Variants in SDC2 observed in about 807,000 individuals in gnomAD.
SDC2 encodes the protein syndecan 2, also known as syndecan-2.
Under a neutral mutation model 22.2 loss-of-function variants are expected in SDC2, and 13 were observed. That is an observed-to-expected ratio of 0.59 (90% confidence interval 0.38 to 0.93). The LOEUF is 0.93. Ranked by LOEUF, SDC2 falls within the 40% of genes least tolerant of loss-of-function variation. The probability of loss-of-function intolerance (pLI) is 0.00; values close to 1 mark genes in which losing one functional copy is unlikely to be tolerated. For synonymous variants in SDC2, 94 were observed against 92.8 expected (o/e 1.01, Z -0.07); for missense variants, 235 against 246.8 (o/e 0.95, Z 0.32).
intron 1 of SDC2, among the ~76,000 whole-genome samples, chr8:96,578,850 G>A (rs927703690): frequency 1.3e-5 from 2 of 152,194 alleles, no homozygotes. Flanking sequence ...AATTTGAGGG[G>A]ATGATGGGGT....
chr8:96,602,125 G>T (rs1814998948), intron 2 of SDC2, among the ~76,000 whole-genome samples: 1 of 151,620 alleles, frequency 6.6e-6, no homozygotes, highest in South Asian at 2.1e-4. Flanking sequence ...GTCAAGCAGG[G>T]AGAAAAGGAA....
intron 1 of SDC2, chr8:96,586,312 A>C (rs1814685938): frequency 6.6e-6 from 1 of 152,250 alleles, no homozygotes; most frequent in Non-Finnish European, 1.5e-5. Flanking sequence ...CAAATGGCGT[A>C]AAGCTTGGAT....
At position 96,593,507 on chromosome 8, in the gene SDC2, A is replaced by G. The variant is rs141268636; in HGVS notation, c.88A>G (p.Met30Val). 4.3e-6 allele frequency: 7 copies of G among 1,613,694 alleles called. No individual in the cohort carries two copies. Among genetic ancestry groups the G allele is most frequent in the Admixed American group, 1.7e-5 (1 of 60,006 alleles). Residue 30 changes from methionine to valine, a missense_variant, in exon 2 of 5, where the codon ATG (methionine) becomes GTG (valine). By Grantham distance (21) the Met-to-Val change is conservative. Transcript: ENST00000302190. ...SRAELTSDKD[M>V]YLDNSSIEEA... The stretch of plus-strand genomic sequence containing the variant: ...AGCAGAGCTGACATCTGATAAAGAC[A>G]TGTACCTTGACAACAGCTCCATTGA...
At chr8:96,532,546 G>A (rs1322452060) in intron 1 of SDC2, among the ~76,000 whole-genome samples, 1 of 150,354 alleles carries the variant, frequency 6.7e-6, no homozygotes. Flanking sequence ...TTGCAGAAGT[G>A]TTGTGGAACA....
chr8:96,513,869 G>C (rs575308248), intron 1 of SDC2, among the ~76,000 whole-genome samples: 1 of 152,286 alleles, frequency 6.6e-6, no homozygotes, highest in East Asian at 1.9e-4. Flanking sequence ...GTGTTTGTTT[G>C]GATGGCTGTT....
chr8:96,576,662 G>A (rs368446490), intron 1 of SDC2, among the ~76,000 whole-genome samples: 89 of 149,732 alleles, frequency 5.9e-4, no homozygotes, highest in African/African-American at 2.1e-3. Context: ...CTCGTGATCC[G>A]CCCGCCTCGG....
chr8:96,499,007 A>T (rs1813118632), intron 1 of SDC2, among the ~76,000 whole-genome samples: 1 of 152,056 alleles, frequency 6.6e-6, no homozygotes, highest in African/African-American at 2.4e-5. Context: ...TGTCCTTGTT[A>T]TCATGGCATA....
intron 1 of SDC2, among the ~76,000 whole-genome samples, chr8:96,540,488 G>T (rs2130510719): frequency 6.9e-6 from 1 of 145,086 alleles, no homozygotes; most frequent in Middle Eastern, 3.5e-3. Context: ...TCCAACCTGG[G>T]TGACAGTGAG....
At position 96,493,889 on chromosome 8, in the gene SDC2, T is replaced by G. The variant is rs996394744; in HGVS notation, c.-383T>G. On this transcript the variant is annotated 5_prime_UTR_variant, in exon 1 of 5. Transcript: ENST00000302190. Reference sequence around the variant, plus strand: ...CCCTAAACTTCTGCCGTAGCTCCCTTTCAAGCCAGCGAATTTATTCCTTAA... The same window carrying G: ...CCCTAAACTTCTGCCGTAGCTCCCTGTCAAGCCAGCGAATTTATTCCTTAA... 1 of 207,970 alleles carries G rather than the reference T, an allele frequency of 4.8e-6. No homozygotes were observed. Among genetic ancestry groups the G allele is most frequent in the African/African-American group, 2.3e-5 (1 of 43,008 alleles). 12.9% of individuals were successfully genotyped at this position (207,970 alleles called of 1,614,324 possible).
rs1815161628 is a variant in SDC2 at position 96,610,744 on chromosome 8, GT to G, written c.*1199del. On this transcript the variant is annotated 3_prime_UTR_variant, in exon 5 of 5. Coordinates refer to ENST00000302190, the MANE Select transcript of SDC2 (RefSeq NM_002998.4). ...GATGACGTGGGTTTGATTTCTAAGT[GT>G]TTCACAGTGTCTGTAAATCAAGACC... The G allele has an allele frequency of 6.6e-6, 1 of 152,544 alleles. No homozygotes were observed. The highest frequency in any genetic ancestry group is 2.4e-5 in the African/African-American group (1 of 41,428). 9.4% of individuals were successfully genotyped at this position (152,544 alleles called of 1,614,324 possible). A position where few individuals can be genotyped will look rare whatever the true frequency, so the allele number is the denominator to read the frequency against.
Position 96,565,094 on chromosome 8 carries a change from T to G in SDC2, c.61-28386T>G, listed in dbSNP as rs184638071. ...ACCATCCTAAATTTGATTTTTTTTT[T>G]TTTTTGTTGAGATGGGGAGTGTTGC... On this transcript the variant is annotated intron_variant, in intron 1 of 4. Coordinates refer to ENST00000302190, the MANE Select transcript of SDC2 (RefSeq NM_002998.4). Among the ~76,000 whole-genome samples, 215 of 123,662 alleles carry G rather than the reference T, an allele frequency of 1.7e-3. 9 individuals carry two copies. Among genetic ancestry groups the G allele is most frequent in the African/African-American group, 5.7e-3 (191 of 33,594 alleles). The allele number at this position is 123,662 out of a possible 152,430, so 81.1% of individuals were successfully genotyped here. A position where few individuals can be genotyped will look rare whatever the true frequency, so the allele number is the denominator to read the frequency against.
chr8:96,581,871 G>T (rs1456345200), intron 1 of SDC2, among the ~76,000 whole-genome samples: 1 of 152,044 alleles, frequency 6.6e-6, no homozygotes, highest in Non-Finnish European at 1.5e-5. Context: ...CCTCTTATTG[G>T]GCAAGAACCT....
Position 96,577,366 on chromosome 8 carries a change from A to G in SDC2, c.61-16114A>G, listed in dbSNP as rs1814522303. 4.6e-5 allele frequency among the ~76,000 whole-genome samples: 7 copies of G among 152,326 alleles called. No individual in the cohort carries two copies. In the South Asian group the frequency reaches 1.5e-3, roughly 32 times the overall value. On this transcript the variant is annotated intron_variant, in intron 1 of 4. Coordinates refer to ENST00000302190, the MANE Select transcript of SDC2 (RefSeq NM_002998.4). The stretch of plus-strand genomic sequence containing the variant: ...TGGTTGGTCAGGGCAGAATATATGG[A>G]CAGGCCTCAGGAGTTCTCCAGGTAT...
intron 2 of SDC2, among the ~76,000 whole-genome samples, 193 bp downstream of exon 2, chr8:96,593,784 T>C (rs1014513928): frequency 6.6e-6 from 1 of 152,232 alleles, no homozygotes; most frequent in African/African-American, 2.4e-5. Flanking sequence ...ATTTATTTGC[T>C]GAGCCTCAGT....
chr8:96,532,443 CTTTG>C (rs35580883), intron 1 of SDC2, among the ~76,000 whole-genome samples: 16,638 of 72,368 alleles, frequency 0.23, 1,248 homozygotes, highest in Middle Eastern at 0.34. Flanking sequence ...TTTGGTAGGG[CTTTG>C]TTTGGGAAAA....
intron 1 of SDC2, among the ~76,000 whole-genome samples, chr8:96,566,498 TAAC>T (rs974730214): frequency 2.6e-5 from 4 of 152,278 alleles, no homozygotes; most frequent in Non-Finnish European, 2.9e-5. Flanking sequence ...ATGTGGATCA[TAAC>T]AAATTTTGTT....
At chr8:96,533,538 G>C (rs909999859) in intron 1 of SDC2, among the ~76,000 whole-genome samples, 1 of 151,514 alleles carries the variant, frequency 6.6e-6, no homozygotes. Flanking sequence ...TAGACGTAAA[G>C]GTTCTCCAAG....
intron 3 of SDC2, among the ~76,000 whole-genome samples, chr8:96,603,232 C>T (rs1410416191): frequency 6.6e-6 from 1 of 152,144 alleles, no homozygotes; most frequent in African/African-American, 2.4e-5. Flanking sequence ...AGTTTCAAAT[C>T]CTGGATCCAG....
At chr8:96,544,829 A>G (rs1813906477) in intron 1 of SDC2, among the ~76,000 whole-genome samples, 1 of 152,228 alleles carries the variant, frequency 6.6e-6, no homozygotes, top group African/African-American at 2.4e-5. Flanking sequence ...AGAGAACCTT[A>G]TATTGGTATA....
Sources: gnomAD v4.1 joint callset for allele counts (sites outside exome capture counted in the v4.1 genomes callset) on GRCh38, gnomAD v4.1.1 for gene constraint, MANE v1.5 for transcripts, NCBI Gene and HGNC (gene_info 2026-07-23, HGNC 2026-07-21) for gene names.